The following DTNB variants were observed in gnomAD, a reference collection of about 807,000 sequenced individuals.
DTNB encodes the protein DTN-B.
A neutral mutation model predicts 90.7 loss-of-function variants in DTNB; 63 were observed. The observed-to-expected ratio is 0.69, with a 90% CI of 0.57 to 0.86. The LOEUF is 0.86. DTNB is among the 40% of genes least tolerant of loss of function. The probability of loss-of-function intolerance (pLI) is 0.00; values close to 1 mark genes in which losing one functional copy is unlikely to be tolerated. For synonymous variants in DTNB, 277 were observed against 286.7 expected (o/e 0.97, Z 0.34); for missense variants, 744 against 807.1 (o/e 0.92, Z 0.95).
At chr2:25,427,363 G>A in intron 15 of DTNB, 172 bp downstream of exon 15, 1 of 520,198 alleles carries the variant, frequency 1.9e-6, no homozygotes, top group Non-Finnish European at 3.3e-6. Flanking sequence ...ATCTGGCTTT[G>A]CACTAATTTA....
intron 5 of DTNB, among the ~76,000 whole-genome samples, chr2:25,606,022 C>G (rs1215987447): frequency 1.3e-5 from 2 of 152,098 alleles, no homozygotes; most frequent in African/African-American, 4.8e-5. Context: ...ACATTAAGAT[C>G]TTTCTTTGGA....
rs540296183 is a variant in DTNB at position 25,561,988 on chromosome 2, T to C, written c.876+14850A>G. Among the ~76,000 whole-genome samples the C allele has an allele frequency of 2.6e-5, 4 of 152,300 alleles. No individual in the cohort carries two copies. In the South Asian group the frequency reaches 8.3e-4, roughly 32 times the overall value. On this transcript the variant is annotated intron_variant, in intron 8 of 20. Transcript: ENST00000406818. ...ATATATTCAAAGAGTTGTACAACCA[T>C]AACTAATATCTAATTTCAGCACATT...
chr2:25,425,273 T>C (rs749605256), intron 15 of DTNB, among the ~76,000 whole-genome samples: 1 of 151,982 alleles, frequency 6.6e-6, no homozygotes, highest in Non-Finnish European at 1.5e-5. Context: ...GGGCCAAAGC[T>C]AGGGGGAAAA....
At chr2:25,571,321 G>A (rs2059833167) in intron 8 of DTNB, among the ~76,000 whole-genome samples, 1 of 152,040 alleles carries the variant, frequency 6.6e-6, no homozygotes, top group Non-Finnish European at 1.5e-5. Context: ...CATCTAGACT[G>A]ACCATTTAAA....
chr2:25,648,880 G>T (rs1404876667), intron 2 of DTNB, among the ~76,000 whole-genome samples: 1 of 151,476 alleles, frequency 6.6e-6, no homozygotes, highest in Non-Finnish European at 1.5e-5. Flanking sequence ...ACCTTTATCT[G>T]GTTAACCTGT....
At chr2:25,603,592 C>A (rs1042666578) in intron 5 of DTNB, among the ~76,000 whole-genome samples, 5 of 149,974 alleles carry the variant, frequency 3.3e-5, no homozygotes, top group African/African-American at 7.4e-5. Flanking sequence ...AACCCCATGT[C>A]AAATAAAAAA....
intron 16 of DTNB, among the ~76,000 whole-genome samples, chr2:25,406,004 T>C (rs567777512): frequency 6.6e-6 from 1 of 151,910 alleles, no homozygotes; most frequent in East Asian, 1.9e-4. Context: ...GGAGAAAAAA[T>C]GGACTTGAAG....
chr2:25,467,918 T>C (rs2062088400), intron 10 of DTNB, among the ~76,000 whole-genome samples: 1 of 152,058 alleles, frequency 6.6e-6, no homozygotes, highest in South Asian at 2.1e-4. Context: ...CCAATAAAAC[T>C]TTATTTACAA....
chr2:25,434,399 C>CTT (rs1179596539), intron 12 of DTNB, among the ~76,000 whole-genome samples: 1,404 of 95,420 alleles, frequency 0.015, 76 homozygotes, highest in African/African-American at 0.039. Context: ...ATGAACTAGT[C>CTT]TTTTTTTTTT....
chr2:25,635,303 C>T (rs569268845), intron 3 of DTNB, among the ~76,000 whole-genome samples: 2 of 152,016 alleles, frequency 1.3e-5, no homozygotes, highest in Non-Finnish European at 2.9e-5. Context: ...TGGTGGCGGG[C>T]GCCTGTAGTT....
At chr2:25,608,779 A>G (rs1208965382) in intron 4 of DTNB, among the ~76,000 whole-genome samples, 1 of 152,194 alleles carries the variant, frequency 6.6e-6, no homozygotes, top group Non-Finnish European at 1.5e-5. Context: ...AGTACAAAGA[A>G]GGAAAAAAAA....
intron 5 of DTNB, among the ~76,000 whole-genome samples, chr2:25,600,343 C>T (rs1343955156): frequency 6.6e-6 from 1 of 152,208 alleles, no homozygotes; most frequent in Non-Finnish European, 1.5e-5. Flanking sequence ...CCTTTGCTTT[C>T]TTCATAGAGG....
intron 1 of DTNB, among the ~76,000 whole-genome samples, chr2:25,657,229 A>C (rs1427631577): frequency 6.6e-6 from 1 of 152,148 alleles, no homozygotes; most frequent in African/African-American, 2.4e-5. Context: ...AAGGCTGTTT[A>C]ATATCCTCAG....
At chr2:25,471,262 T>G (rs551670658) in intron 10 of DTNB, among the ~76,000 whole-genome samples, 6 of 152,302 alleles carry the variant, frequency 3.9e-5, no homozygotes, top group Non-Finnish European at 8.8e-5. Flanking sequence ...CTAAGAACTG[T>G]TCACCACTAC....
At chr2:25,414,037 C>T (rs748234382) in intron 16 of DTNB, among the ~76,000 whole-genome samples, 35 of 152,118 alleles carry the variant, frequency 2.3e-4, no homozygotes, top group African/African-American at 6.5e-4. Flanking sequence ...CCAGTGATGA[C>T]GAGCATTTTT....
At chr2:25,559,912 A>G (rs2057992731) in intron 8 of DTNB, among the ~76,000 whole-genome samples, 1 of 152,232 alleles carries the variant, frequency 6.6e-6, no homozygotes, top group Non-Finnish European at 1.5e-5. Flanking sequence ...AACTGCAGCT[A>G]GAAGCTGGAA....
intron 16 of DTNB, among the ~76,000 whole-genome samples, chr2:25,411,281 C>A (rs905886011): frequency 6.6e-6 from 1 of 151,858 alleles, no homozygotes; most frequent in African/African-American, 2.4e-5. Context: ...GTCACTTGAA[C>A]CCGGGATGCA....
chr2:25,383,544 T>C (rs2149510546), intron 19 of DTNB: 1 of 496,758 alleles, frequency 2.0e-6, no homozygotes, highest in East Asian at 4.2e-5. Flanking sequence ...AACTAGATCA[T>C]AAACTTCTCC....
chr2:25,393,052 T>C (rs1161462362), intron 16 of DTNB, among the ~76,000 whole-genome samples: 1 of 152,186 alleles, frequency 6.6e-6, no homozygotes, highest in African/African-American at 2.4e-5. Flanking sequence ...CAAGTGGGTT[T>C]CATACCAGGG....
Sources: gnomAD v4.1 joint callset for allele counts (sites outside exome capture counted in the v4.1 genomes callset) on GRCh38, gnomAD v4.1.1 for gene constraint, MANE v1.5 for transcripts, NCBI Gene and HGNC (gene_info 2026-07-23, HGNC 2026-07-21) for gene names.